SPATC1L: variants seen among roughly 807,000 people sequenced by gnomAD.
SPATC1L encodes speriolin-like protein.
In SPATC1L, 20 loss-of-function variants were observed where a neutral mutation model predicts 21.2. The ratio of observed to expected loss-of-function variants is 0.94; its 90% confidence interval spans 0.66 to 1.37. The LOEUF is 1.37. Ranked by LOEUF, SPATC1L falls within the 40% of genes most tolerant of loss-of-function variation. The probability of loss-of-function intolerance (pLI) is 0.00; values close to 1 mark genes in which losing one functional copy is unlikely to be tolerated. For synonymous variants in SPATC1L, 290 were observed against 234.5 expected, an observed-to-expected ratio of 1.24 and a Z score of -2.16; for missense variants, 499 against 478.7, an observed-to-expected ratio of 1.04 and a Z score of -0.40.
At chr21:46,168,747 G>T in intron 2 of SPATC1L, 89 bp from the exon 3 acceptor site, 1 of 848,060 alleles carries the variant, frequency 1.2e-6, no homozygotes, top group Non-Finnish European at 1.6e-6. Context: ...CAACCCCTAT[G>T]CACCCCACCC....
Position 46,182,869 on chromosome 21 carries a change from GGAGCCCA to G in SPATC1L, c.-60_-54del. ...CGGCTCCTGCAGCCCCATGGAGGTG[GGAGCCCA>G]GAGCCCGCAGGCACCACAGAAACAG... On this transcript the variant is annotated 5_prime_UTR_variant, in exon 2 of 5. The change abolishes the stop of an existing upstream ORF in the 5' untranslated region. Transcript: ENST00000291672. 6.9e-7 allele frequency: 1 copy of G among 1,452,800 alleles called. No homozygotes were observed. Among genetic ancestry groups the G allele is most frequent in the Admixed American group, 2.4e-5 (1 of 41,670 alleles). The allele number at this position is 1,452,800 out of a possible 1,614,324, so 90.0% of individuals were successfully genotyped here.
chr21:46,182,210 G>A (rs956157627), intron 2 of SPATC1L, among the ~76,000 whole-genome samples: 3 of 152,176 alleles, frequency 2.0e-5, no homozygotes, highest in Non-Finnish European at 2.9e-5. Flanking sequence ...CATGGGACTC[G>A]TGTGGCTGGT....
intron 2 of SPATC1L, among the ~76,000 whole-genome samples, chr21:46,176,951 A>G (rs1415195745): frequency 6.6e-6 from 1 of 152,234 alleles, no homozygotes; most frequent in Non-Finnish European, 1.5e-5. Context: ...GAACCCAGAA[A>G]TAAGTTTGCA....
intron 3 of SPATC1L, among the ~76,000 whole-genome samples, chr21:46,167,855 A>C (rs910027721): frequency 2.0e-5 from 3 of 152,192 alleles, no homozygotes; most frequent in African/African-American, 7.2e-5. Context: ...TTCTAGAACA[A>C]CACACAGGAG....
intron 2 of SPATC1L, among the ~76,000 whole-genome samples, chr21:46,173,142 G>A (rs1445758757): frequency 1.3e-5 from 2 of 152,220 alleles, no homozygotes; most frequent in Admixed American, 6.5e-5. Context: ...TTTGGACCTA[G>A]GGGAACTGTC....
In SPATC1L at chr21:46,168,561, G is replaced by T; in HGVS notation, c.291C>A (p.Ser97=). 6.7e-7 allele frequency: 1 copy of T among 1,490,022 alleles called. No individual in the cohort carries two copies. The highest frequency in any genetic ancestry group is 2.5e-5 in the East Asian group (1 of 39,674). 92.3% of individuals were successfully genotyped at this position (1,490,022 alleles called of 1,614,324 possible). Residue 97 remains serine (S), a synonymous_variant, in exon 3 of 5, where the codon TCC becomes TCA. Transcript: ENST00000291672. ...EDLLCSHAPL[S]SEDDTSPGCA... is the part of the protein sequence containing the mutation. ...AGCCCGGGGAGGTGTCGTCCTCGCT[G>T]GACAGGGGGGCATGTGAGCACAGCA...
intron 2 of SPATC1L, among the ~76,000 whole-genome samples, chr21:46,169,186 T>C (rs937796125): frequency 6.6e-6 from 1 of 152,280 alleles, no homozygotes; most frequent in African/African-American, 2.4e-5. Context: ...GGACAGGGCC[T>C]GTTTCCATGT....
rs145916215 is a variant in SPATC1L at position 46,161,297 on chromosome 21, C to CG, written c.*81dup. 5,391 of 1,330,540 alleles carry CG rather than the reference C, an allele frequency of 4.1e-3. 199 individuals are homozygous for CG. The African/African-American group carries it at 0.072, about 18-fold the overall frequency. 82.4% of individuals were successfully genotyped at this position (1,330,540 alleles called of 1,614,324 possible). On this transcript the variant is annotated 3_prime_UTR_variant, in exon 5 of 5. Coordinates refer to ENST00000291672, the MANE Select transcript of SPATC1L (RefSeq NM_001142854.2). Reference sequence around the variant, plus strand: ...GCGGGGGACGCGGCCCTTTCCCCTCCGGGGGGACGCGCAGGAGGCACCGCG... The same window carrying CG: ...GCGGGGGACGCGGCCCTTTCCCCTCCGGGGGGGACGCGCAGGAGGCACCGCG...
In SPATC1L at chr21:46,168,288, G is replaced by A. The variant is rs768189325; in HGVS notation, c.544+20C>T. 1 of 1,527,026 alleles carries A rather than the reference G, an allele frequency of 6.5e-7. No individual in the cohort carries two copies. Among genetic ancestry groups the A allele is most frequent in the African/African-American group, 1.4e-5 (1 of 72,636 alleles). The allele number at this position is 1,527,026 out of a possible 1,614,324, so 94.6% of individuals were successfully genotyped here. A position where few individuals can be genotyped will look rare whatever the true frequency, so the allele number is the denominator to read the frequency against. On this transcript the variant is annotated intron_variant, in intron 3 of 4. Coordinates refer to ENST00000291672, the MANE Select transcript of SPATC1L (RefSeq NM_001142854.2). Reference sequence around the variant, plus strand: ...GCCTGCACTGGGGGCCCCCCCAGGTGCCCCCGCACCCGGCCATACCATTGA... The same window carrying A: ...GCCTGCACTGGGGGCCCCCCCAGGTACCCCCGCACCCGGCCATACCATTGA...
In SPATC1L at chr21:46,168,672, G is replaced by A. The variant is rs1182346142; in HGVS notation, c.194-14C>T. ...CGAAATCTGGAACTGAGGCGGGGAG[G>A]AAAGGGATGAGAAATCAGGCTGATG... On this transcript the variant is annotated splice_polypyrimidine_tract_variant and intron_variant, in intron 2 of 4. Transcript: ENST00000291672. The A allele has an allele frequency of 7.4e-7, 1 of 1,357,812 alleles. No homozygotes were observed. The highest frequency in any genetic ancestry group is 1.5e-5 in the African/African-American group (1 of 68,276). 84.1% of individuals were successfully genotyped at this position (1,357,812 alleles called of 1,614,324 possible).
At chr21:46,165,185 C>G (rs930369293) in intron 3 of SPATC1L, among the ~76,000 whole-genome samples, 2 of 152,184 alleles carry the variant, frequency 1.3e-5, no homozygotes, top group Non-Finnish European at 2.9e-5. Context: ...AAAGTTCACT[C>G]AAGAAGAAAT....
chr21:46,172,893 A>G (rs2079604317), intron 2 of SPATC1L, among the ~76,000 whole-genome samples: 1 of 152,190 alleles, frequency 6.6e-6, no homozygotes, highest in Non-Finnish European at 1.5e-5. Context: ...TTGGACCCAC[A>G]ACAGCTCTGG....
intron 2 of SPATC1L, among the ~76,000 whole-genome samples, chr21:46,181,991 T>C (rs956743717): frequency 6.6e-6 from 1 of 152,200 alleles, no homozygotes; most frequent in East Asian, 1.9e-4. Flanking sequence ...ATATATACTT[T>C]TTTCAGTAAA....
intron 2 of SPATC1L, among the ~76,000 whole-genome samples, chr21:46,175,816 C>A (rs2079628747): frequency 6.6e-6 from 1 of 152,144 alleles, no homozygotes; most frequent in Admixed American, 6.5e-5. Context: ...ATGAGGCCAG[C>A]ATCATCCTGA....
In SPATC1L at chr21:46,183,107, C is replaced by T. The variant is rs1026916030; in HGVS notation, c.-291G>A. The T allele has an allele frequency of 2.2e-4, 94 of 429,700 alleles. No individual in the cohort carries two copies. The highest frequency in any genetic ancestry group is 2.9e-4 in the Non-Finnish European group (70 of 242,526). The allele number at this position is 429,700 out of a possible 1,614,324, so 26.6% of individuals were successfully genotyped here. A position where few individuals can be genotyped will look rare whatever the true frequency, so the allele number is the denominator to read the frequency against. ...GAATGCCAAGGACATTAGGCAGCTA[C>T]GGGATGTAGCGACTGTACTCCAAGA... On this transcript the variant is annotated 5_prime_UTR_variant, in exon 2 of 5. Coordinates refer to ENST00000291672, the MANE Select transcript of SPATC1L (RefSeq NM_001142854.2).
chr21:46,176,680 A>G (rs567113002), intron 2 of SPATC1L, among the ~76,000 whole-genome samples: 1 of 152,388 alleles, frequency 6.6e-6, no homozygotes, highest in South Asian at 2.1e-4. Flanking sequence ...GGAAGAATCA[A>G]TATCATAAAA....
chr21:46,163,458 A>G lies in SPATC1L; in HGVS notation c.545-1391T>C, dbSNP rs575710559. 1.6e-3 allele frequency among the ~76,000 whole-genome samples: 240 copies of G among 152,302 alleles called. 2 individuals are homozygous for G. The highest frequency in any genetic ancestry group is 2.7e-3 in the Non-Finnish European group (183 of 68,032). ...GAAGATTTACCCCTATGTCTTTTCTACAAGTTTTCTGGCCTCAGCTCTTTG... is the reference window on the plus strand; with the variant it reads ...GAAGATTTACCCCTATGTCTTTTCTGCAAGTTTTCTGGCCTCAGCTCTTTG... On this transcript the variant is annotated intron_variant, in intron 3 of 4. Transcript: ENST00000291672.
Position 46,182,730 on chromosome 21 carries a change from C to T in SPATC1L, c.87G>A (p.Gln29=), listed in dbSNP as rs2123659156. 1 of 1,547,770 alleles carries T rather than the reference C, an allele frequency of 6.5e-7. No individual in the cohort carries two copies. The highest frequency in any genetic ancestry group is 8.7e-7 in the Non-Finnish European group (1 of 1,146,718). Residue 29 remains glutamine, a synonymous_variant, in exon 2 of 5, where the codon CAG becomes CAA. Transcript: ENST00000291672. ...KKQVRLLKEN[Q]MLRRLLSQSC... ...TCTGGCTGAGCAGCCGCCGCAGCATCTGATTCTCCTTCAGGAGGCGCACCT... is the reference window on the plus strand; with the variant it reads ...TCTGGCTGAGCAGCCGCCGCAGCATTTGATTCTCCTTCAGGAGGCGCACCT...
intron 2 of SPATC1L, among the ~76,000 whole-genome samples, chr21:46,171,105 A>G (rs1014900099): frequency 1.3e-5 from 2 of 152,220 alleles, no homozygotes; most frequent in African/African-American, 2.4e-5. Context: ...TTTCCACACC[A>G]AGGGGGAGGG....
Sources: gnomAD v4.1 joint callset for allele counts (sites outside exome capture counted in the v4.1 genomes callset) on GRCh38, gnomAD v4.1.1 for gene constraint, MANE v1.5 for transcripts, NCBI Gene and HGNC (gene_info 2026-07-23, HGNC 2026-07-21) for gene names.